Variants in GPC5 observed in about 807,000 individuals in gnomAD.
GPC5 encodes the protein glypican-5.
In GPC5, 47 loss-of-function variants were observed where a neutral mutation model predicts 53.9. The ratio of observed to expected loss-of-function variants is 0.87; its 90% CI spans 0.69 to 1.11. GPC5 has a LOEUF of 1.11. GPC5 is among the 50% of genes most tolerant of loss of function. GPC5 has a pLI of 0.00. For synonymous variants in GPC5, 286 were observed against 263.3 expected, an observed-to-expected ratio of 1.09 and a Z score of -0.84; for missense variants, 748 against 713.1, an observed-to-expected ratio of 1.05 and a Z score of -0.56.
intron 6 of GPC5, among the ~76,000 whole-genome samples, chr13:92,129,437 A>G (rs2041725837): frequency 6.6e-6 from 1 of 152,234 alleles, no homozygotes; most frequent in Non-Finnish European, 1.5e-5. Context: ...TTATTCTTTT[A>G]TATAGTGTCC....
At chr13:91,708,526 G>C (rs1450149023) in intron 3 of GPC5, among the ~76,000 whole-genome samples, 1 of 152,152 alleles carries the variant, frequency 6.6e-6, no homozygotes, top group Non-Finnish European at 1.5e-5. Flanking sequence ...AAGAGGTGCA[G>C]GGGACTGGGG....
chr13:91,956,535 C>A (rs1351446550), intron 6 of GPC5, among the ~76,000 whole-genome samples: 1 of 152,034 alleles, frequency 6.6e-6, no homozygotes, highest in Non-Finnish European at 1.5e-5. Flanking sequence ...CCTGCCTGTG[C>A]CCACTAAAAC....
At chr13:92,733,499 G>A (rs16947861) in intron 7 of GPC5, among the ~76,000 whole-genome samples, 7,567 of 151,768 alleles carry the variant, frequency 0.05, 287 homozygotes, top group African/African-American at 0.1. Flanking sequence ...TGGGTTAGAC[G>A]TTTTCTGAGC....
chr13:92,840,606 GT>G (rs1218432263), intron 7 of GPC5, among the ~76,000 whole-genome samples: 1 of 151,976 alleles, frequency 6.6e-6, no homozygotes, highest in African/African-American at 2.4e-5. Context: ...ATCCCTATGA[GT>G]TTTAGAATGA....
rs2352495 is a variant in GPC5 at position 92,133,335 on chromosome 13, C to T, written c.1402-11495C>T. Among the ~76,000 whole-genome samples, 7 of 152,148 alleles carry T rather than the reference C, an allele frequency of 4.6e-5. No individual in the cohort carries two copies. The East Asian group carries it at 7.7e-4, about 17-fold the overall frequency. ...TGCCATCTGGCGTACACGAGGGTGT[C>T]GTACTAAATGGGATCAGAATGAGCT... On this transcript the variant is annotated intron_variant, in intron 6 of 7. Coordinates refer to ENST00000377067, the MANE Select transcript of GPC5 (RefSeq NM_004466.6).
intron 7 of GPC5, among the ~76,000 whole-genome samples, chr13:92,273,854 A>G (rs1185711553): frequency 1.3e-5 from 2 of 152,134 alleles, no homozygotes; most frequent in East Asian, 3.9e-4. Context: ...GTTGTATCAT[A>G]TGCAATGAAA....
intron 6 of GPC5, among the ~76,000 whole-genome samples, chr13:92,006,119 T>A (rs1466302613): frequency 6.6e-6 from 1 of 152,216 alleles, no homozygotes; most frequent in African/African-American, 2.4e-5. Context: ...ACCACTGAGT[T>A]TGTATATTAT....
At chr13:92,307,559 A>T (rs994674409) in intron 7 of GPC5, among the ~76,000 whole-genome samples, 1 of 152,248 alleles carries the variant, frequency 6.6e-6, no homozygotes, top group Non-Finnish European at 1.5e-5. Context: ...TTTTCTTTAC[A>T]TTCCTAAAGT....
At chr13:92,000,983 C>T (rs756752373) in intron 6 of GPC5, among the ~76,000 whole-genome samples, 4 of 149,966 alleles carry the variant, frequency 2.7e-5, no homozygotes, top group African/African-American at 1.0e-4. Flanking sequence ...GAAGAGATGG[C>T]CTTAGCTGTA....
intron 7 of GPC5, among the ~76,000 whole-genome samples, chr13:92,151,243 C>G (rs2041905514): frequency 6.6e-6 from 1 of 152,024 alleles, no homozygotes; most frequent in African/African-American, 2.4e-5. Flanking sequence ...CAGAGCCTCT[C>G]AAACTTTCTC....
intron 7 of GPC5, among the ~76,000 whole-genome samples, chr13:92,555,486 T>C (rs543185849): frequency 3.3e-5 from 5 of 151,426 alleles, no homozygotes; most frequent in Admixed American, 6.6e-5. Context: ...CTTATAAACA[T>C]ATGCAACAAA....
chr13:91,731,968 A>G (rs997460194), intron 4 of GPC5, among the ~76,000 whole-genome samples: 4 of 152,156 alleles, frequency 2.6e-5, no homozygotes, highest in African/African-American at 9.7e-5. Flanking sequence ...TGTATTTGCT[A>G]TTGTAAATAG....
intron 7 of GPC5, among the ~76,000 whole-genome samples, chr13:92,414,003 G>A (rs139293309): frequency 2.1e-4 from 32 of 152,154 alleles, no homozygotes; most frequent in Admixed American, 1.7e-3. Flanking sequence ...ATAACTAGGA[G>A]TTATAAGTTA....
intron 6 of GPC5, among the ~76,000 whole-genome samples, chr13:91,939,072 T>A (rs1057256777): frequency 1.4e-4 from 22 of 152,012 alleles, no homozygotes; most frequent in Non-Finnish European, 2.9e-5. Flanking sequence ...AAATCCCTGT[T>A]TTTTGTTTTT....
chr13:92,439,370 A>T (rs1877452998), intron 7 of GPC5, among the ~76,000 whole-genome samples: 1 of 152,214 alleles, frequency 6.6e-6, no homozygotes, highest in East Asian at 1.9e-4. Flanking sequence ...AGTGACTTTG[A>T]CAGAGCATTT....
chr13:91,619,684 G>C (rs373090243), intron 2 of GPC5, among the ~76,000 whole-genome samples: 1 of 152,056 alleles, frequency 6.6e-6, no homozygotes, highest in African/African-American at 2.4e-5. Context: ...ATGATGTGCC[G>C]ATCTGTATAA....
intron 2 of GPC5, among the ~76,000 whole-genome samples, chr13:91,479,661 T>C (rs1236776878): frequency 6.6e-6 from 1 of 152,174 alleles, no homozygotes; most frequent in Non-Finnish European, 1.5e-5. Flanking sequence ...GGTAGGAAAT[T>C]AATAAGTTCC....
At chr13:91,797,772 A>G (rs2038069439) in intron 5 of GPC5, among the ~76,000 whole-genome samples, 1 of 152,188 alleles carries the variant, frequency 6.6e-6, no homozygotes, top group African/African-American at 2.4e-5. Context: ...GAGGCAGAGC[A>G]GGCGTCGTGC....
At chr13:92,246,797 T>A (rs913685143) in intron 7 of GPC5, among the ~76,000 whole-genome samples, 16 of 152,134 alleles carry the variant, frequency 1.1e-4, no homozygotes, top group Admixed American at 9.2e-4. Flanking sequence ...TTAGACACAG[T>A]GTAATGTTTT....
Sources: allele counts gnomAD v4.1 joint callset (sites outside exome capture counted in the v4.1 genomes callset), GRCh38; gene constraint gnomAD v4.1.1; transcripts MANE v1.5; gene names NCBI Gene and HGNC (gene_info 2026-07-23, HGNC 2026-07-21).